BRINP3: variants seen among roughly 807,000 people sequenced by gnomAD.
The protein encoded by BRINP3 is BMP/retinoic acid-inducible neural-specific protein 3.
In BRINP3, 19 loss-of-function variants were observed where a neutral mutation model predicts 71.0. That is an observed-to-expected ratio of 0.27 (90% CI 0.19 to 0.39). The LOEUF (loss-of-function observed/expected upper bound fraction) is 0.39. Among genes scored for constraint, BRINP3 ranks in the 10% least tolerant of loss-of-function variants. BRINP3 has a pLI of 1.00. For synonymous variants in BRINP3, 380 were observed against 337.7 expected, an observed-to-expected ratio of 1.13 and a Z score of -1.37; for missense variants, 959 against 940.8, an observed-to-expected ratio of 1.02 and a Z score of -0.25.
chr1:190,374,819 G>T (rs1291529237), intron 2 of BRINP3, among the ~76,000 whole-genome samples: 1 of 151,844 alleles, frequency 6.6e-6, no homozygotes, highest in East Asian at 1.9e-4. Flanking sequence ...GAAAATAATA[G>T]AAAAAGTTAG....
intron 4 of BRINP3, among the ~76,000 whole-genome samples, chr1:190,247,862 A>G (rs1659753982): frequency 6.6e-6 from 1 of 151,916 alleles, no homozygotes; most frequent in Admixed American, 6.6e-5. Flanking sequence ...TACATTTCCA[A>G]TACACATTTC....
intron 2 of BRINP3, among the ~76,000 whole-genome samples, chr1:190,282,932 T>C (rs1253862344): frequency 2.6e-5 from 4 of 151,852 alleles, no homozygotes; most frequent in South Asian, 4.1e-4. Flanking sequence ...AATTAGGCAA[T>C]ATGTGAAAAA....
intron 6 of BRINP3, among the ~76,000 whole-genome samples, chr1:190,170,586 A>G (rs184768295): frequency 2.6e-5 from 4 of 152,264 alleles, no homozygotes; most frequent in Admixed American, 6.5e-5. Flanking sequence ...TTGAAATAAC[A>G]TATGTTTTAC....
chr1:190,374,014 T>A (rs1571890908), intron 2 of BRINP3, among the ~76,000 whole-genome samples: 2 of 151,632 alleles, frequency 1.3e-5, no homozygotes, highest in East Asian at 4.0e-4. Context: ...GTGGGTACAC[T>A]TAGGGGCATG....
chr1:190,152,936 T>G (rs1481431186), intron 7 of BRINP3, among the ~76,000 whole-genome samples: 4 of 151,726 alleles, frequency 2.6e-5, no homozygotes. Context: ...GTCTAAGATA[T>G]AATAAAGTGA....
chr1:190,165,460 T>TG (rs1553252643), intron 6 of BRINP3, among the ~76,000 whole-genome samples: 367 of 95,194 alleles, frequency 3.9e-3, no homozygotes, highest in African/African-American at 6.4e-3. Flanking sequence ...TTTTTTTTTT[T>TG]TGTGTGTGTG....
At chr1:190,265,724 T>C (rs1661605088) in intron 3 of BRINP3, among the ~76,000 whole-genome samples, 1 of 151,314 alleles carries the variant, frequency 6.6e-6, no homozygotes, top group East Asian at 1.9e-4. Flanking sequence ...CAAAAATAAA[T>C]AAATAAATAA....
At chr1:190,205,749 C>G (rs1423592411) in intron 6 of BRINP3, among the ~76,000 whole-genome samples, 2 of 151,954 alleles carry the variant, frequency 1.3e-5, no homozygotes, top group African/African-American at 2.4e-5. Context: ...GAAAATAATA[C>G]AAAGATAGTC....
At chr1:190,150,653 TA>T (rs1178040884) in intron 7 of BRINP3, among the ~76,000 whole-genome samples, 5 of 152,204 alleles carry the variant, frequency 3.3e-5, no homozygotes, top group African/African-American at 9.6e-5. Context: ...AATTTTGAAA[TA>T]GCCAATTTCA....
At chr1:190,333,400 C>T (rs957668699) in intron 2 of BRINP3, among the ~76,000 whole-genome samples, 22 of 151,178 alleles carry the variant, frequency 1.5e-4, no homozygotes, top group African/African-American at 4.9e-4. Flanking sequence ...GTGGTCAAAT[C>T]GTAATTTTTT....
At chr1:190,140,627 TCAAA>T (rs761545811) in intron 7 of BRINP3, among the ~76,000 whole-genome samples, 13 of 152,168 alleles carry the variant, frequency 8.5e-5, no homozygotes, top group South Asian at 2.1e-4. Flanking sequence ...TTGCTCAACA[TCAAA>T]CAAACTTTAA....
intron 4 of BRINP3, among the ~76,000 whole-genome samples, chr1:190,258,491 G>GA (rs940315908): frequency 2.1e-5 from 3 of 144,156 alleles, no homozygotes; most frequent in Non-Finnish European, 3.1e-5. Flanking sequence ...CAACGAAGTT[G>GA]AAAAAAAAGT....
At chr1:190,318,377 C>T (rs1033241795) in intron 2 of BRINP3, among the ~76,000 whole-genome samples, 11 of 152,148 alleles carry the variant, frequency 7.2e-5, no homozygotes, top group Non-Finnish European at 1.5e-4. Context: ...TTGATTTGTA[C>T]CAATTTCCCT....
chr1:190,327,189 C>T (rs1221152602), intron 2 of BRINP3, among the ~76,000 whole-genome samples: 1 of 150,780 alleles, frequency 6.6e-6, no homozygotes, highest in Non-Finnish European at 1.5e-5. Flanking sequence ...TTGTTGGGCA[C>T]CTGTAATCCC....
intron 4 of BRINP3, among the ~76,000 whole-genome samples, chr1:190,263,828 T>TC (rs1424401819): frequency 6.6e-6 from 1 of 151,866 alleles, no homozygotes; most frequent in African/African-American, 2.4e-5. Context: ...CCTCAAGTGA[T>TC]CCCCCCGCCT....
At chr1:190,428,193 C>G (rs2102492429) in intron 2 of BRINP3, among the ~76,000 whole-genome samples, 1 of 151,784 alleles carries the variant, frequency 6.6e-6, no homozygotes, top group Non-Finnish European at 1.5e-5. Context: ...AGAAGGTATG[C>G]TTTTCCTGAA....
chr1:190,154,069 A>G, intron 7 of BRINP3: 1 of 962,586 alleles, frequency 1.0e-6, no homozygotes, highest in Non-Finnish European at 1.2e-6. Flanking sequence ...AAGTTTTTTC[A>G]GTTATGATTT....
At chr1:190,269,591 A>T (rs1661934668) in intron 3 of BRINP3, among the ~76,000 whole-genome samples, 1 of 152,118 alleles carries the variant, frequency 6.6e-6, no homozygotes, top group African/African-American at 2.4e-5. Context: ...AAACAGGAAT[A>T]AATAGGAAAA....
chr1:190,132,781 T>A (rs1419991441), intron 7 of BRINP3, among the ~76,000 whole-genome samples: 1 of 152,108 alleles, frequency 6.6e-6, no homozygotes, highest in African/African-American at 2.4e-5. Context: ...AAGATTTGCA[T>A]CTCACAGATA....
Sources: gnomAD v4.1 joint callset for allele counts (sites outside exome capture counted in the v4.1 genomes callset) on GRCh38, gnomAD v4.1.1 for gene constraint, MANE v1.5 for transcripts, NCBI Gene and HGNC (gene_info 2026-07-23, HGNC 2026-07-21) for gene names.